LRR1: variants seen among roughly 807,000 people sequenced by gnomAD.
The protein encoded by LRR1 is leucine rich repeat protein 1, also known as leucine-rich repeat protein 1.
LRR1 carries 29 observed loss-of-function variants against 31.6 expected under a neutral mutation model. The observed-to-expected ratio is 0.92, with a 90% CI of 0.68 to 1.25. LRR1 has a LOEUF of 1.25. Among genes scored for constraint, LRR1 ranks in the 50% most tolerant of loss-of-function variants. LRR1 has a pLI of 0.00. For synonymous variants in LRR1, 179 were observed against 181.4 expected (o/e 0.99, Z 0.10); for missense variants, 485 against 487.2 (o/e 1.00, Z 0.04).
chr14:49,613,200 G>A (rs938211371), intron 3 of LRR1, among the ~76,000 whole-genome samples: 14 of 152,196 alleles, frequency 9.2e-5, no homozygotes, highest in East Asian at 1.9e-4. Context: ...TTAGCCAGGC[G>A]TGGTGGCGGG....
intron 2 of LRR1, among the ~76,000 whole-genome samples, chr14:49,607,035 ATT>A (rs58731951): frequency 6.2e-5 from 8 of 128,416 alleles, no homozygotes; most frequent in Admixed American, 7.8e-5. Flanking sequence ...TATTTTTGTT[ATT>A]TTTTTTTTTT....
chr14:49,609,217 C>CTTTTTTTTTTTTTTTTT lies in LRR1; in HGVS notation c.1004+1106_1004+1122dup, dbSNP rs746422046. Among the ~76,000 whole-genome samples, 4 of 76,932 alleles carry CTTTTTTTTTTTTTTTTT rather than the reference C, an allele frequency of 5.2e-5. 1 individual carries two copies. Among genetic ancestry groups the CTTTTTTTTTTTTTTTTT allele is most frequent in the African/African-American group, 2.2e-4 (4 of 18,102 alleles). The allele number at this position is 76,932 out of a possible 152,430, so 50.5% of individuals were successfully genotyped here. ...CAGGCTTGAGCCACCACACCTGGCC[C>CTTTTTTTTTTTTTTTTT]TTTTTTTTTTTTTTTTTTTTTTTTT... On this transcript the variant is annotated intron_variant, in intron 3 of 3. Coordinates refer to ENST00000298288, the MANE Select transcript of LRR1 (RefSeq NM_152329.4).
At chr14:49,613,237 G>C (rs1293172088) in intron 3 of LRR1, among the ~76,000 whole-genome samples, 1 of 152,040 alleles carries the variant, frequency 6.6e-6, no homozygotes, top group Non-Finnish European at 1.5e-5. Context: ...TACTCGGGAG[G>C]CTGAGGCAGG....
chr14:49,613,252 T>C (rs1882578929), intron 3 of LRR1, among the ~76,000 whole-genome samples: 1 of 149,674 alleles, frequency 6.7e-6, no homozygotes, highest in South Asian at 2.1e-4. Context: ...GGCAGGAGAA[T>C]GGCATGAACC....
At chr14:49,603,289 C>G (rs1472731508) in intron 2 of LRR1, among the ~76,000 whole-genome samples, 1 of 152,110 alleles carries the variant, frequency 6.6e-6, no homozygotes, top group Non-Finnish European at 1.5e-5. Flanking sequence ...TCTAAAAGGG[C>G]AAAGTCTGCC....
chr14:49,607,772 T>C lies in LRR1; in HGVS notation c.655T>C (p.Leu219=), dbSNP rs145619371. Residue 219 remains leucine (L), a synonymous_variant, in exon 3 of 4, where the codon TTG becomes CTG. Coordinates refer to ENST00000298288, the MANE Select transcript of LRR1 (RefSeq NM_152329.4). ...DNHLESFSVA[L]CHSTLQKSLR... Reference sequence around the variant, plus strand: ...TCACTTGGAGTCATTTAGTGTAGCCTTGTGTCATTCTACACTCCAGAAGTC... The same window carrying C: ...TCACTTGGAGTCATTTAGTGTAGCCCTGTGTCATTCTACACTCCAGAAGTC... 2.5e-6 allele frequency: 4 copies of C among 1,613,976 alleles called. No homozygotes were observed. In the African/African-American group the frequency reaches 5.3e-5, roughly 22 times the overall value.
chr14:49,600,972 A>G (rs1882031994), intron 1 of LRR1: 1 of 1,588,160 alleles, frequency 6.3e-7, no homozygotes, highest in Non-Finnish European at 8.6e-7. Flanking sequence ...CAGCCCTTAC[A>G]GAATCTGCAC....
intron 3 of LRR1, among the ~76,000 whole-genome samples, chr14:49,613,965 G>A (rs1882608079): frequency 6.6e-6 from 1 of 152,198 alleles, no homozygotes; most frequent in African/African-American, 2.4e-5. Flanking sequence ...ATTTGTCTTA[G>A]AGAGTTTAAG....
intron 3 of LRR1, among the ~76,000 whole-genome samples, chr14:49,608,727 C>A (rs962634597): frequency 6.6e-6 from 1 of 151,668 alleles, no homozygotes; most frequent in East Asian, 1.9e-4. Context: ...TTCTAACATT[C>A]CAGACCTACT....
intron 2 of LRR1, among the ~76,000 whole-genome samples, chr14:49,605,182 A>G (rs974275511): frequency 6.6e-6 from 1 of 152,214 alleles, no homozygotes; most frequent in Non-Finnish European, 1.5e-5. Flanking sequence ...GGCATGGTCC[A>G]CCACATCTGG....
Position 49,600,679 on chromosome 14 carries a change from A to G in LRR1, c.183+1476A>G. 5 of 1,320,162 alleles carry G rather than the reference A, an allele frequency of 3.8e-6. No individual in the cohort carries two copies. In the South Asian group the frequency reaches 5.8e-5, roughly 15 times the overall value. 81.8% of individuals were successfully genotyped at this position (1,320,162 alleles called of 1,614,324 possible). ...AGAAAGCAAATGAAATGCTGCAGCTATACCCAGACCTTTTATAGGTAATGA... is the reference window on the plus strand; with the variant it reads ...AGAAAGCAAATGAAATGCTGCAGCTGTACCCAGACCTTTTATAGGTAATGA... On this transcript the variant is annotated intron_variant, in intron 1 of 3. Transcript: ENST00000298288.
Position 49,613,403 on chromosome 14 carries a change from GC to G in LRR1, c.1005-852del, listed in dbSNP as rs1460571943. Among the ~76,000 whole-genome samples the G allele has an allele frequency of 3.3e-5, 5 of 152,116 alleles. No individual in the cohort carries two copies. The East Asian group carries it at 5.8e-4, about 18-fold the overall frequency. On this transcript the variant is annotated intron_variant, in intron 3 of 3. Coordinates refer to ENST00000298288, the MANE Select transcript of LRR1 (RefSeq NM_152329.4). Reference sequence around the variant, plus strand: ...GCCTGTAATCCCAGCTACTCGGGAGGCTGAGGCAGGAGAATAGCTTGAACCC... The same window carrying G: ...GCCTGTAATCCCAGCTACTCGGGAGGTGAGGCAGGAGAATAGCTTGAACCC...
chr14:49,612,884 G>C (rs138219373), intron 3 of LRR1, among the ~76,000 whole-genome samples: 130 of 152,264 alleles, frequency 8.5e-4, no homozygotes, highest in African/African-American at 2.9e-3. Flanking sequence ...CTGTGTTTTA[G>C]TGTCTTGTAG....
Position 49,599,062 on chromosome 14 carries a change from G to C in LRR1, c.42G>C (p.Leu14Phe). The change falls in exon 1 of 4, where the codon TTG (leucine) becomes TTC (phenylalanine). Residue 14 changes from leucine (L) to phenylalanine (F), a missense_variant. By Grantham distance (22) the Leu-to-Phe change is conservative. Transcript: ENST00000298288. ...HCEVEVISRH[L>F]PALGLRNRGK... ...AGGTGGAGGTGATCAGCCGGCACTT[G>C]CCCGCCTTGGGGCTTAGGAACCGGG... 6.2e-7 allele frequency: 1 copy of C among 1,609,512 alleles called. No homozygotes were observed. The highest frequency in any genetic ancestry group is 8.5e-7 in the Non-Finnish European group (1 of 1,178,040).
chr14:49,609,217 C>CTTTTTTTTTTTTTTTTTTTTT (rs746422046), intron 3 of LRR1, among the ~76,000 whole-genome samples: 1 of 76,906 alleles, frequency 1.3e-5, no homozygotes, highest in African/African-American at 5.5e-5. Flanking sequence ...ACACCTGGCC[C>CTTTTTTTTTTTTTTTTTTTTT]TTTTTTTTTT....
In LRR1 at chr14:49,614,237, T is replaced by G; in HGVS notation, c.1005-19T>G. On this transcript the variant is annotated intron_variant, in intron 3 of 3. Transcript: ENST00000298288. ...TCTAGTAACATGTTATAAAATATTT[T>G]TATCATTCTTTCCAATAGGATTCCA... 1 of 1,599,058 alleles carries G rather than the reference T, an allele frequency of 6.3e-7. No homozygotes were observed. The highest frequency in any genetic ancestry group is 8.5e-7 in the Non-Finnish European group (1 of 1,173,446).
intron 1 of LRR1, among the ~76,000 whole-genome samples, chr14:49,601,817 A>T (rs1411734832): frequency 1.6e-5 from 1 of 64,244 alleles, no homozygotes; most frequent in Admixed American, 1.8e-4. Flanking sequence ...CCCAACTGCT[A>T]AAAAAAAAAA....
intron 3 of LRR1, among the ~76,000 whole-genome samples, chr14:49,613,677 G>A (rs1287052140): frequency 6.6e-6 from 1 of 150,492 alleles, no homozygotes; most frequent in Non-Finnish European, 1.5e-5. Flanking sequence ...TTATCTGGGC[G>A]TGGTGGTAGG....
chr14:49,605,501 C>A (rs2139541204), intron 2 of LRR1, among the ~76,000 whole-genome samples: 1 of 152,312 alleles, frequency 6.6e-6, no homozygotes, highest in South Asian at 2.1e-4. Flanking sequence ...GATCACTGAT[C>A]TTTTCACTTG....
Sources: gnomAD v4.1 joint callset for allele counts (sites outside exome capture counted in the v4.1 genomes callset) on GRCh38, gnomAD v4.1.1 for gene constraint, MANE v1.5 for transcripts, NCBI Gene and HGNC (gene_info 2026-07-23, HGNC 2026-07-21) for gene names.